CORO7: variants seen among roughly 807,000 people sequenced by gnomAD.
CORO7 encodes the protein coronin-7.
Under a neutral mutation model 126.6 loss-of-function variants are expected in CORO7, and 107 were observed. The observed-to-expected ratio is 0.85, with a 90% CI of 0.72 to 0.99. The LOEUF is 0.99. Ranked by LOEUF, CORO7 falls within the 50% of genes least tolerant of loss-of-function variation. CORO7 has a pLI of 0.00. For missense variants in CORO7, 1,314 were observed against 1,255.8 expected (o/e 1.05, Z -0.70); for synonymous variants, 603 against 536.8 (o/e 1.12, Z -1.70).
At chr16:4,365,462 G>T (rs776881379) in intron 10 of CORO7, 29 bp downstream of exon 10, 3 of 1,544,896 alleles carry the variant, frequency 1.9e-6, no homozygotes, top group Middle Eastern at 3.4e-4. Flanking sequence ...GGCTGTGGAT[G>T]TGGGTGGGAG....
At chr16:4,361,578 GCTCCCACC>G in intron 16 of CORO7, 109 bp from the exon 17 acceptor site, 2 of 1,296,522 alleles carry the variant, frequency 1.5e-6, no homozygotes, top group Non-Finnish European at 2.1e-6. Context: ...TGCAGCAGAG[GCTCCCACC>G]GCTGGGTGAC....
chr16:4,382,248 G>A (rs752294543), intron 9 of CORO7: 37 of 1,607,310 alleles, frequency 2.3e-5, no homozygotes, highest in Admixed American at 2.0e-4. Context: ...CACCAGTCAC[G>A]CCGAGGCCAC....
Position 4,361,000 on chromosome 16 carries a change from G to A in CORO7, c.1860C>T (p.Arg620=), listed in dbSNP as rs1465129853. The A allele has an allele frequency of 1.9e-6, 3 of 1,613,160 alleles. No homozygotes were observed. Among genetic ancestry groups the A allele is most frequent in the East Asian group, 2.2e-5 (1 of 44,882 alleles). ...LASSSYDLTV[R]IWDLQAGADR... The stretch of plus-strand genomic sequence containing the variant: ...CAGCTCCAGCCTGAAGGTCCCAGAT[G>A]CGAACAGTGAGGTCATAGGAGGACG... Residue 620 remains arginine, a synonymous_variant, in exon 19 of 28, where the codon CGC becomes CGT. Coordinates refer to ENST00000251166, the MANE Select transcript of CORO7 (RefSeq NM_024535.5).
intron 9 of CORO7, among the ~76,000 whole-genome samples, chr16:4,371,292 T>G (rs2054511407): frequency 6.6e-6 from 1 of 152,068 alleles, no homozygotes; most frequent in African/African-American, 2.4e-5. Context: ...GGCATTGGAG[T>G]TTATACTTAG....
Position 4,357,948 on chromosome 16 carries a change from C to T in CORO7, c.2593+20G>A, listed in dbSNP as rs764955995. 2 of 1,588,312 alleles carry T rather than the reference C, an allele frequency of 1.3e-6. No individual in the cohort carries two copies. The highest frequency in any genetic ancestry group is 1.3e-5 in the African/African-American group (1 of 74,512). ...CAACCCCCATCCCGCTTCCTCCCCA[C>T]ACCCAGTCCCTCGGTGCACCTGGGC... On this transcript the variant is annotated intron_variant, in intron 25 of 27. Transcript: ENST00000251166.
chr16:4,412,712 G>A, intron 2 of CORO7: 1 of 452,284 alleles, frequency 2.2e-6, no homozygotes, highest in Non-Finnish European at 3.9e-6. Context: ...TTCGTATGGG[G>A]CTTGCAGCTA....
chr16:4,404,124 A>C (rs1006416020), intron 6 of CORO7, among the ~76,000 whole-genome samples: 7 of 152,224 alleles, frequency 4.6e-5, no homozygotes, highest in Non-Finnish European at 7.4e-5. Context: ...TACAGAAAAG[A>C]AAGTTAGACT....
intron 26 of CORO7, 95 bp downstream of exon 26, chr16:4,357,072 GT>G (rs1463426654): frequency 4.0e-6 from 6 of 1,487,314 alleles, no homozygotes; most frequent in Non-Finnish European, 4.6e-6. Flanking sequence ...TGTGGCTGCT[GT>G]CCCAGTCTGG....
At chr16:4,386,702 G>A (rs1488232625) in intron 9 of CORO7, among the ~76,000 whole-genome samples, 4 of 152,172 alleles carry the variant, frequency 2.6e-5, no homozygotes, top group African/African-American at 7.2e-5. Flanking sequence ...GGAAGGTGCC[G>A]AATCTTGCTC....
At chr16:4,379,137 G>C (rs1432170340) in intron 9 of CORO7, among the ~76,000 whole-genome samples, 6 of 151,912 alleles carry the variant, frequency 3.9e-5, no homozygotes, top group Admixed American at 3.9e-4. Context: ...GCCTGGGGCG[G>C]AGTGCAGGCT....
chr16:4,408,818 T>C (rs552725343), intron 3 of CORO7, among the ~76,000 whole-genome samples: 27 of 152,044 alleles, frequency 1.8e-4, no homozygotes, highest in South Asian at 8.3e-4. Context: ...TAAAAATTAG[T>C]TGGGTGTGGT....
At chr16:4,366,245 T>G (rs2054342983) in intron 9 of CORO7, among the ~76,000 whole-genome samples, 1 of 152,124 alleles carries the variant, frequency 6.6e-6, no homozygotes. Flanking sequence ...CCTTCTCTGG[T>G]CTCGAGGCAG....
chr16:4,389,843 G>C, intron 7 of CORO7, among the ~76,000 whole-genome samples: 1 of 152,210 alleles, frequency 6.6e-6, no homozygotes, highest in East Asian at 1.9e-4. Flanking sequence ...CAGCCCACCA[G>C]GTGGCTCTTA....
intron 9 of CORO7, among the ~76,000 whole-genome samples, chr16:4,379,443 GGGAGCCCCCGCCCCCAGGGCCATCT>G (rs1293242662): frequency 6.6e-5 from 10 of 152,148 alleles, no homozygotes; most frequent in South Asian, 2.1e-4. Flanking sequence ...AGCGGCTGGT[GGGAGCCCCCGCCCCCAGGGCCATCT>G]GGAGGGCACG....
intron 1 of CORO7, chr16:4,415,632 C>T: frequency 1.2e-6 from 1 of 844,758 alleles, no homozygotes; most frequent in Non-Finnish European, 1.4e-6. Context: ...ACCCAGACTG[C>T]CCTGACTTGC....
intron 6 of CORO7, among the ~76,000 whole-genome samples, chr16:4,400,552 G>A (rs1244111469): frequency 6.6e-6 from 1 of 152,168 alleles, no homozygotes; most frequent in Non-Finnish European, 1.5e-5. Flanking sequence ...AGAATCACTT[G>A]AATCTGGGAG....
In CORO7 at chr16:4,361,148, T is replaced by G; in HGVS notation, c.1774+14A>C. 1 of 1,613,274 alleles carries G rather than the reference T, an allele frequency of 6.2e-7. No homozygotes were observed. The highest frequency in any genetic ancestry group is 8.5e-7 in the Non-Finnish European group (1 of 1,180,010). On this transcript the variant is annotated intron_variant, in intron 18 of 27. Transcript: ENST00000251166. ...ACACTGGCCACCCCAGCCCCATTCCTGAGCCTGCCTGACCTGTGAGCACAG... is the reference window on the plus strand; with the variant it reads ...ACACTGGCCACCCCAGCCCCATTCCGGAGCCTGCCTGACCTGTGAGCACAG...
chr16:4,361,118 G>C, intron 18 of CORO7, 33 bp from the exon 19 acceptor site: 1 of 1,613,292 alleles, frequency 6.2e-7, no homozygotes, highest in Non-Finnish European at 8.5e-7. Flanking sequence ...AGGAGCCCTT[G>C]GGAGACACTG....
chr16:4,360,423 C>T (rs1212103862), intron 20 of CORO7, 21 bp downstream of exon 20: 3 of 1,612,990 alleles, frequency 1.9e-6, no homozygotes, highest in African/African-American at 1.3e-5. Flanking sequence ...TGAGGCCACT[C>T]CCCAGCCCCT....
Sources: gnomAD v4.1 joint callset for allele counts (sites outside exome capture counted in the v4.1 genomes callset) on GRCh38, gnomAD v4.1.1 for gene constraint, MANE v1.5 for transcripts, NCBI Gene and HGNC (gene_info 2026-07-23, HGNC 2026-07-21) for gene names.